FBXO11: variants seen among roughly 807,000 people sequenced by gnomAD.
The protein encoded by FBXO11 is F-box only protein 11.
In FBXO11, 13 loss-of-function variants were observed where a neutral mutation model predicts 117.0. That is an observed-to-expected ratio of 0.11 (90% CI 0.07 to 0.18). The LOEUF (loss-of-function observed/expected upper bound fraction) is 0.18. Among genes scored for constraint, FBXO11 ranks in the 10% least tolerant of loss-of-function variants. The probability of loss-of-function intolerance (pLI) is 1.00; values close to 1 mark genes in which losing one functional copy is unlikely to be tolerated. For missense variants in FBXO11, 767 were observed against 1,164.4 expected (o/e 0.66, Z 4.97); for synonymous variants, 490 against 380.5 (o/e 1.29, Z -3.35).
chr2:47,878,706 G>A (rs115110683), intron 1 of FBXO11, among the ~76,000 whole-genome samples: 8,120 of 151,124 alleles, frequency 0.054, 228 homozygotes, highest in Non-Finnish European at 0.068. Context: ...AGCCAGGTGC[G>A]GTGGCTCATG....
chr2:47,879,484 C>T (rs1268280426), intron 1 of FBXO11, among the ~76,000 whole-genome samples: 1 of 152,188 alleles, frequency 6.6e-6, no homozygotes, highest in Non-Finnish European at 1.5e-5. Context: ...GTAGTTTTAA[C>T]TTCTCTTACT....
At position 47,885,544 on chromosome 2, in the gene FBXO11, C is replaced by T. The variant is rs140365584; in HGVS notation, c.232+19945G>A. On this transcript the variant is annotated intron_variant, in intron 1 of 22. Coordinates refer to ENST00000403359, the MANE Select transcript of FBXO11 (RefSeq NM_001190274.2). The stretch of plus-strand genomic sequence containing the variant: ...GAGCCGAGCTCACACCACTGCACTC[C>T]AGCCTGGGCAACATAGGGAGACTCA... Among the ~76,000 whole-genome samples, 20 of 151,900 alleles carry T rather than the reference C, an allele frequency of 1.3e-4. 1 individual carries two copies. The highest frequency in any genetic ancestry group is 4.6e-4 in the African/African-American group (19 of 41,414).
At chr2:47,853,470 G>C (rs1436956557) in intron 1 of FBXO11, among the ~76,000 whole-genome samples, 2 of 151,990 alleles carry the variant, frequency 1.3e-5, no homozygotes, top group African/African-American at 4.8e-5. Context: ...TTTATTAATA[G>C]GTAGCTCCTC....
intron 1 of FBXO11, among the ~76,000 whole-genome samples, chr2:47,899,366 T>G (rs1677925427): frequency 6.6e-6 from 1 of 152,158 alleles, no homozygotes; most frequent in Admixed American, 6.5e-5. Context: ...TTTTATCTCT[T>G]GGGTTTAATT....
rs368891090 is a variant in FBXO11 at position 47,850,816 on chromosome 2, T to A, written c.233-11047A>T. 2.1e-4 allele frequency among the ~76,000 whole-genome samples: 32 copies of A among 152,318 alleles called. 1 individual carries two copies. The highest frequency in any genetic ancestry group is 7.7e-4 in the African/African-American group (32 of 41,590). On this transcript the variant is annotated intron_variant, in intron 1 of 22. Coordinates refer to ENST00000403359, the MANE Select transcript of FBXO11 (RefSeq NM_001190274.2). ...CGTTCTGTTCTCCCAAGACATTTTC[T>A]CTCATTGCTTTTGGGAAAAGGAGTG... is the stretch of plus-strand genomic sequence containing the variant.
At chr2:47,889,498 T>A (rs918419724) in intron 1 of FBXO11, among the ~76,000 whole-genome samples, 1 of 152,206 alleles carries the variant, frequency 6.6e-6, no homozygotes, top group Non-Finnish European at 1.5e-5. Flanking sequence ...CGACAACTTA[T>A]CAAGTGAGTG....
chr2:47,900,079 C>T (rs187920111), intron 1 of FBXO11, among the ~76,000 whole-genome samples: 1 of 151,982 alleles, frequency 6.6e-6, no homozygotes, highest in East Asian at 1.9e-4. Flanking sequence ...GTCAGAATTT[C>T]CAGTAAAGGG....
intron 1 of FBXO11, among the ~76,000 whole-genome samples, chr2:47,897,137 C>T (rs1351577131): frequency 2.6e-5 from 4 of 152,204 alleles, no homozygotes; most frequent in Non-Finnish European, 5.9e-5. Flanking sequence ...TAGTTACATG[C>T]TCTTCCTCTT....
rs377501213 is a variant in FBXO11 at position 47,885,325 on chromosome 2, G to A, written c.232+20164C>T. ...GAACAATGTGTAAGCCAGGTGCGGT[G>A]GCTCACGCCTGTAATCCCAGCACTT... is the stretch of plus-strand genomic sequence containing the variant. On this transcript the variant is annotated intron_variant, in intron 1 of 22. Coordinates refer to ENST00000403359, the MANE Select transcript of FBXO11 (RefSeq NM_001190274.2). 3.3e-5 allele frequency among the ~76,000 whole-genome samples: 5 copies of A among 152,188 alleles called. No individual in the cohort carries two copies. In the East Asian group the frequency reaches 5.8e-4, roughly 18 times the overall value.
chr2:47,901,481 T>C (rs1341171987), intron 1 of FBXO11, among the ~76,000 whole-genome samples: 5 of 152,120 alleles, frequency 3.3e-5, no homozygotes, highest in Admixed American at 2.6e-4. Flanking sequence ...AATGAGAAAC[T>C]AATAACAGTT....
chr2:47,837,975 C>T (rs188226800), intron 4 of FBXO11, among the ~76,000 whole-genome samples: 2 of 151,646 alleles, frequency 1.3e-5, no homozygotes, highest in Non-Finnish European at 2.9e-5. Flanking sequence ...CCTATAATCC[C>T]AGCACTTTGG....
chr2:47,846,952 C>T lies in FBXO11; in HGVS notation c.233-7183G>A, dbSNP rs149200336. Among the ~76,000 whole-genome samples, 17 of 152,188 alleles carry T rather than the reference C, an allele frequency of 1.1e-4. No homozygotes were observed. The South Asian group carries it at 2.5e-3, about 22-fold the overall frequency. ...CACTTATCACTTAAAGACAAGAATA[C>T]GTTCTGAGAAGGCTGGTCGTGGTGG... On this transcript the variant is annotated intron_variant, in intron 1 of 22. Transcript: ENST00000403359.
Position 47,807,390 on chromosome 2 carries a change from C to T in FBXO11, c.*728G>A, listed in dbSNP as rs563942283. 35 of 207,838 alleles carry T rather than the reference C, an allele frequency of 1.7e-4. No homozygotes were observed. In the Admixed American group the frequency reaches 1.8e-3, roughly 11 times the overall value. The allele number at this position is 207,838 out of a possible 1,614,324, so 12.9% of individuals were successfully genotyped here. A position where few individuals can be genotyped will look rare whatever the true frequency, so the allele number is the denominator to read the frequency against. ...AGTCTCATTAAAACACTCACTTTTT[C>T]TAGGGGTGATTTTGAATGCTGCACA... On this transcript the variant is annotated 3_prime_UTR_variant, in exon 23 of 23. Coordinates refer to ENST00000403359, the MANE Select transcript of FBXO11 (RefSeq NM_001190274.2).
Position 47,839,775 on chromosome 2 carries a change from A to G in FBXO11, c.233-6T>C, listed in dbSNP as rs1672872066. On this transcript the variant is annotated splice_region_variant and splice_polypyrimidine_tract_variant and intron_variant, in intron 1 of 22. Transcript: ENST00000403359. ...ATCTGCAGGCACATCATCATCTGTT[A>G]TAAACAAAAGCAATAAGAAAAATTA... 6.2e-7 allele frequency: 1 copy of G among 1,601,970 alleles called. No individual in the cohort carries two copies. Among genetic ancestry groups the G allele is most frequent in the Admixed American group, 1.8e-5 (1 of 56,150 alleles).
intron 17 of FBXO11, 47 bp from the exon 18 acceptor site, chr2:47,813,424 AATT>A: frequency 8.6e-6 from 5 of 579,366 alleles, no homozygotes; most frequent in Non-Finnish European, 1.1e-5. Context: ...ATTTCTTTTT[AATT>A]TTTTTTTTTT....
intron 1 of FBXO11, among the ~76,000 whole-genome samples, chr2:47,845,979 C>G (rs1168714525): frequency 6.6e-6 from 1 of 151,662 alleles, no homozygotes; most frequent in Non-Finnish European, 1.5e-5. Flanking sequence ...ATTTTTTGTC[C>G]CCTCCTGAAA....
rs775016936 is a variant in FBXO11, at chr2:47,893,974, T to A, written c.232+11515A>T. Among the ~76,000 whole-genome samples, 21 of 152,236 alleles carry A rather than the reference T, an allele frequency of 1.4e-4. 1 individual carries two copies. Among genetic ancestry groups the A allele is most frequent in the Admixed American group, 1.4e-3 (21 of 15,284 alleles). Reference sequence around the variant, plus strand: ...GAAAGATCAACTGGTAGCATTAACATTGGACTGCTTAAGTGCTGAAAGAGC... The same window carrying A: ...GAAAGATCAACTGGTAGCATTAACAATGGACTGCTTAAGTGCTGAAAGAGC... On this transcript the variant is annotated intron_variant, in intron 1 of 22. Coordinates refer to ENST00000403359, the MANE Select transcript of FBXO11 (RefSeq NM_001190274.2).
In FBXO11 at chr2:47,832,718, C is replaced by A. The variant is rs753635001; in HGVS notation, c.1154-40G>T. 3 of 1,607,418 alleles carry A rather than the reference C, an allele frequency of 1.9e-6. No individual in the cohort carries two copies. In the African/African-American group the frequency reaches 4.0e-5, roughly 22 times the overall value. ...TTTATTTATGTAAAAACCTACTGGG[C>A]AACATACAGTGACTCAAAATTTTAT... On this transcript the variant is annotated intron_variant, in intron 9 of 22. Transcript: ENST00000403359.
chr2:47,835,501 T>C (rs1009540390), intron 5 of FBXO11, among the ~76,000 whole-genome samples: 10 of 146,760 alleles, frequency 6.8e-5, no homozygotes, highest in African/African-American at 2.0e-4. Flanking sequence ...CCTACTCAAC[T>C]TTTTTTTTTT....
Sources: gnomAD v4.1 joint callset for allele counts (sites outside exome capture counted in the v4.1 genomes callset) on GRCh38, gnomAD v4.1.1 for gene constraint, MANE v1.5 for transcripts, NCBI Gene and HGNC (gene_info 2026-07-23, HGNC 2026-07-21) for gene names.